Variants in TBC1D5 observed in about 807,000 individuals in gnomAD.
The protein encoded by TBC1D5 is TBC1 domain family, member 5.
In TBC1D5, 75 loss-of-function variants were observed where a neutral mutation model predicts 100.3. The ratio of observed to expected loss-of-function variants is 0.75; its 90% CI spans 0.62 to 0.91. The LOEUF (loss-of-function observed/expected upper bound fraction) is 0.91, where lower values mean the gene tolerates loss of function less well. Among genes scored for constraint, TBC1D5 ranks in the 40% least tolerant of loss-of-function variants. The pLI, the probability that TBC1D5 is intolerant of heterozygous loss-of-function variation, is 0.00. For synonymous variants in TBC1D5, 323 were observed against 325.6 expected (o/e 0.99, Z 0.09); for missense variants, 910 against 942.4 (o/e 0.97, Z 0.45).
At chr3:17,706,475 TTTA>T (rs1299843575) in intron 1 of TBC1D5, among the ~76,000 whole-genome samples, 1 of 152,090 alleles carries the variant, frequency 6.6e-6, no homozygotes, top group Admixed American at 6.5e-5. Context: ...ATGTTTTACT[TTTA>T]AACATGTATT....
At chr3:17,378,150 G>C (rs1209194016) in intron 9 of TBC1D5, among the ~76,000 whole-genome samples, 1 of 151,750 alleles carries the variant, frequency 6.6e-6, no homozygotes, top group Non-Finnish European at 1.5e-5. Context: ...GGGAGAAGGA[G>C]GCCAGACAAA....
intron 13 of TBC1D5, among the ~76,000 whole-genome samples, chr3:17,333,768 G>T (rs2087234778): frequency 6.6e-6 from 1 of 152,042 alleles, no homozygotes; most frequent in Non-Finnish European, 1.5e-5. Context: ...AGATGTTTAA[G>T]AAGTCAGGAA....
chr3:17,322,630 G>A (rs895714826), intron 13 of TBC1D5, among the ~76,000 whole-genome samples: 5 of 152,206 alleles, frequency 3.3e-5, no homozygotes, highest in Non-Finnish European at 5.9e-5. Context: ...ACTCAAGGCC[G>A]AGGAAAGTGT....
At chr3:17,647,609 T>G (rs889579782) in intron 1 of TBC1D5, among the ~76,000 whole-genome samples, 1 of 152,072 alleles carries the variant, frequency 6.6e-6, no homozygotes, top group Non-Finnish European at 1.5e-5. Flanking sequence ...AGACTTGCAG[T>G]ACTGAAAGAC....
At chr3:17,400,802 C>T (rs554966372) in intron 8 of TBC1D5, among the ~76,000 whole-genome samples, 43 of 152,192 alleles carry the variant, frequency 2.8e-4, no homozygotes, top group Non-Finnish European at 5.1e-4. Flanking sequence ...CTTTCTCCCA[C>T]GGTGGATGCT....
intron 19 of TBC1D5, among the ~76,000 whole-genome samples, chr3:17,179,044 C>T (rs1460726394): frequency 6.6e-6 from 1 of 152,162 alleles, no homozygotes; most frequent in Non-Finnish European, 1.5e-5. Context: ...AACTCCTGGC[C>T]TCAAGTGATC....
chr3:17,434,556 T>A (rs946146968), intron 3 of TBC1D5, among the ~76,000 whole-genome samples: 13 of 152,232 alleles, frequency 8.5e-5, no homozygotes, highest in Middle Eastern at 3.2e-3. Flanking sequence ...CATGTCTTTA[T>A]AATACCTGAG....
In TBC1D5 at chr3:17,373,970, C is replaced by A. The variant is rs549148309; in HGVS notation, c.822+501G>T. ...CTAACCCTATAAATATACTAAAAAC[C>A]ATTAAAAGTTTAATAGGTACAAGTT... On this transcript the variant is annotated intron_variant, in intron 12 of 21. Coordinates refer to ENST00000253692, the Ensembl canonical transcript of TBC1D5. Among the ~76,000 whole-genome samples the A allele has an allele frequency of 2.2e-4, 33 of 151,906 alleles. No homozygotes were observed. The South Asian group carries it at 5.4e-3, about 25-fold the overall frequency.
intron 4 of TBC1D5, among the ~76,000 whole-genome samples, chr3:17,411,589 A>G (rs757235466): frequency 8.5e-5 from 13 of 152,178 alleles, no homozygotes; most frequent in Non-Finnish European, 1.6e-4. Context: ...GTATGAAGCA[A>G]TGACTCCTCC....
intron 13 of TBC1D5, among the ~76,000 whole-genome samples, chr3:17,326,627 G>A (rs946016481): frequency 7.2e-5 from 11 of 151,906 alleles, no homozygotes; most frequent in Admixed American, 7.2e-4. Flanking sequence ...TATTCACCAC[G>A]CCCTGCTAAT....
chr3:17,696,570 G>A (rs889324476), intron 1 of TBC1D5, among the ~76,000 whole-genome samples: 2 of 152,118 alleles, frequency 1.3e-5, no homozygotes, highest in Non-Finnish European at 2.9e-5. Flanking sequence ...TTGAATCTCT[G>A]AATAGAACAA....
chr3:17,703,882 A>G (rs1193890274), intron 1 of TBC1D5, among the ~76,000 whole-genome samples: 1 of 151,166 alleles, frequency 6.6e-6, no homozygotes, highest in Non-Finnish European at 1.5e-5. Context: ...CTTAAAAAGA[A>G]TGTACCACAT....
chr3:17,497,011 C>T (rs907504588), intron 3 of TBC1D5, among the ~76,000 whole-genome samples: 1 of 151,656 alleles, frequency 6.6e-6, no homozygotes, highest in Admixed American at 6.6e-5. Context: ...GTATGACAAG[C>T]CTATTCATAT....
chr3:17,549,049 G>A (rs1469581766), intron 2 of TBC1D5, among the ~76,000 whole-genome samples: 1 of 152,176 alleles, frequency 6.6e-6, no homozygotes, highest in East Asian at 1.9e-4. Flanking sequence ...TGCAATCCCA[G>A]CACTTTGGGA....
At chr3:17,479,737 C>T (rs568761347) in intron 3 of TBC1D5, among the ~76,000 whole-genome samples, 3 of 152,278 alleles carry the variant, frequency 2.0e-5, no homozygotes, top group East Asian at 1.9e-4. Context: ...ACTCAGGAGA[C>T]GGAGGCAGGA....
At chr3:17,372,340 G>A in intron 12 of TBC1D5, 93 bp from the exon 13 acceptor site, 3 of 1,197,126 alleles carry the variant, frequency 2.5e-6, no homozygotes, top group Non-Finnish European at 3.4e-6. Context: ...TAAACAAGAA[G>A]TCTTATTATC....
intron 2 of TBC1D5, among the ~76,000 whole-genome samples, chr3:17,539,275 A>G (rs962339403): frequency 2.0e-5 from 3 of 152,222 alleles, no homozygotes; most frequent in African/African-American, 7.2e-5. Flanking sequence ...CTTATTATGC[A>G]GATGAAGCCT....
chr3:17,272,475 G>A (rs568625075), intron 15 of TBC1D5, among the ~76,000 whole-genome samples: 1 of 152,258 alleles, frequency 6.6e-6, no homozygotes, highest in East Asian at 1.9e-4. Flanking sequence ...TCTTATGGAA[G>A]AAACATATAA....
intron 4 of TBC1D5, among the ~76,000 whole-genome samples, chr3:17,427,977 T>C (rs1173570818): frequency 6.6e-6 from 1 of 151,936 alleles, no homozygotes; most frequent in East Asian, 1.9e-4. Flanking sequence ...TAGCCCTGTT[T>C]GCTGAAGAAC....
Sources: gnomAD v4.1 joint callset for allele counts (sites outside exome capture counted in the v4.1 genomes callset) on GRCh38, gnomAD v4.1.1 for gene constraint, MANE v1.5 for transcripts, NCBI Gene and HGNC (gene_info 2026-07-23, HGNC 2026-07-21) for gene names.